Variants in SEC23B observed in about 807,000 individuals in gnomAD.
The protein encoded by SEC23B is SEC23 homolog B, COPII component.
In SEC23B, 77 loss-of-function variants were observed where a neutral mutation model predicts 104.3. The ratio of observed to expected loss-of-function variants is 0.74; its 90% CI spans 0.61 to 0.89. The LOEUF (loss-of-function observed/expected upper bound fraction) is 0.89. SEC23B is among the 40% of genes least tolerant of loss of function. The pLI is 0.00. For missense variants in SEC23B, 885 were observed against 949.4 expected (o/e 0.93, Z 0.89); for synonymous variants, 338 against 332.5 (o/e 1.02, Z -0.18).
In SEC23B at chr20:18,546,903, GTTTTTTTTTTTTTTTT is replaced by G. The variant is rs58809009; in HGVS notation, c.1743+881_1743+896del. On this transcript the variant is annotated intron_variant, in intron 15 of 19. Transcript: ENST00000650089. ...AGTTGGTCTGGTGAAGTGGTTTGCAGTTTTTTTTTTTTTTTTTTTTTTTTTTAAAGCCATGGAATCC... is the reference window on the plus strand; with the variant it reads ...AGTTGGTCTGGTGAAGTGGTTTGCAGTTTTTTTTTTAAAGCCATGGAATCC... Among the ~76,000 whole-genome samples the G allele has an allele frequency of 4.3e-5, 5 of 115,516 alleles. No homozygotes were observed. The Admixed American group carries it at 4.7e-4, about 11-fold the overall frequency. The allele number at this position is 115,516 out of a possible 152,430, so 75.8% of individuals were successfully genotyped here.
intron 15 of SEC23B, among the ~76,000 whole-genome samples, chr20:18,546,428 G>T (rs2060332526): frequency 6.6e-6 from 1 of 152,196 alleles, no homozygotes; most frequent in African/African-American, 2.4e-5. Flanking sequence ...TTAATAATAT[G>T]TCTGTGGTTA....
At chr20:18,518,257 C>T (rs1195089378) in intron 4 of SEC23B, among the ~76,000 whole-genome samples, 1 of 152,138 alleles carries the variant, frequency 6.6e-6, no homozygotes, top group African/African-American at 2.4e-5. Context: ...GTGGGAAAGG[C>T]CTCTACCCAT....
Position 18,515,729 on chromosome 20 carries a change from T to C in SEC23B, c.359T>C (p.Val120Ala), listed in dbSNP as rs1463490876. 3.2e-6 allele frequency: 5 copies of C among 1,582,226 alleles called. No homozygotes were observed. The highest frequency in any genetic ancestry group is 4.3e-6 in the Non-Finnish European group (5 of 1,150,934). The change falls in exon 4 of 20, where the codon GTG (valine) becomes GCG (alanine). Residue 120 changes from valine (V) to alanine (A), a missense_variant. Coordinates refer to ENST00000650089, the MANE Select transcript of SEC23B (RefSeq NM_006363.6). The part of the protein sequence containing the change: ...LMPQFSTIEY[V>A]IQRGAQSPLI... ...CCCCAGTTTTCTACAATTGAGTACG[T>C]GATACAGGTAATTTCTTTGTTGTGC... is the stretch of plus-strand genomic sequence containing the variant.
At chr20:18,525,649 A>G (rs1395073072) in intron 6 of SEC23B, 139 bp from the exon 7 acceptor site, 2 of 846,384 alleles carry the variant, frequency 2.4e-6, no homozygotes, top group Non-Finnish European at 3.9e-6. Context: ...TAGTAGAGAG[A>G]TAGCTTTGAA....
At chr20:18,518,376 T>G (rs1003608170) in intron 4 of SEC23B, among the ~76,000 whole-genome samples, 1 of 152,042 alleles carries the variant, frequency 6.6e-6, no homozygotes, top group Non-Finnish European at 1.5e-5. Context: ...CTGAGCTTGA[T>G]GTGTAAGGAA....
chr20:18,524,819 A>G, intron 5 of SEC23B, 116 bp from the exon 6 acceptor site: 2 of 1,250,744 alleles, frequency 1.6e-6, no homozygotes, highest in Non-Finnish European at 2.3e-6. Context: ...CAGCCTCATG[A>G]GTAGGTGGGA....
At position 18,530,739 on chromosome 20, in the gene SEC23B, G is replaced by C. The variant is rs751193663; in HGVS notation, c.1169G>C (p.Arg390Thr). 1 of 1,613,134 alleles carries C rather than the reference G, an allele frequency of 6.2e-7. No homozygotes were observed. Among genetic ancestry groups the C allele is most frequent in the Non-Finnish European group, 8.5e-7 (1 of 1,179,322 alleles). Residue 390 changes from arginine to threonine, a missense_variant, in exon 10 of 20, where the codon AGA (arginine) becomes ACA (threonine). Coordinates refer to ENST00000650089, the MANE Select transcript of SEC23B (RefSeq NM_006363.6). ...NTSLFKQTFQ[R>T]IFTKDFNGDF... ...TCTCTCTTCAAGCAGACATTCCAAA[G>C]AATCTTTACTAAAGATTTTAATGGA...
chr20:18,537,491 C>G (rs1430964687), intron 12 of SEC23B, among the ~76,000 whole-genome samples: 1 of 149,992 alleles, frequency 6.7e-6, no homozygotes, highest in African/African-American at 2.5e-5. Flanking sequence ...ATCGCAAGGA[C>G]AAAAAAACAC....
At chr20:18,520,954 A>C (rs956276586) in intron 4 of SEC23B, among the ~76,000 whole-genome samples, 6 of 152,102 alleles carry the variant, frequency 3.9e-5, no homozygotes, top group African/African-American at 1.4e-4. Context: ...TGAGTTGAAC[A>C]GTCCGATTTT....
At chr20:18,527,396 G>T in intron 8 of SEC23B, 100 bp from the exon 9 acceptor site, 2 of 803,298 alleles carry the variant, frequency 2.5e-6, no homozygotes, top group East Asian at 2.4e-5. Context: ...AAAAGAAAAT[G>T]ATTTACATGT....
At chr20:18,530,569 T>G in intron 9 of SEC23B, 111 bp from the exon 10 acceptor site, 1 of 1,270,694 alleles carries the variant, frequency 7.9e-7, no homozygotes, top group Non-Finnish European at 1.1e-6. Flanking sequence ...AGTGGCTCTT[T>G]TGGGGACCTG....
intron 19 of SEC23B, among the ~76,000 whole-genome samples, chr20:18,556,780 G>A (rs1352122792): frequency 1.3e-5 from 2 of 152,116 alleles, no homozygotes; most frequent in African/African-American, 4.8e-5. Flanking sequence ...GGCAGAACAC[G>A]AGGTCAGGAG....
intron 3 of SEC23B, among the ~76,000 whole-genome samples, chr20:18,512,818 G>A (rs2059993149): frequency 6.6e-6 from 1 of 152,270 alleles, no homozygotes. Context: ...TTGGGAGGCC[G>A]AGGTGGGTGG....
chr20:18,555,131 G>A lies in SEC23B; in HGVS notation c.2172G>A (p.Val724=), dbSNP rs2060424555. 1 of 1,613,894 alleles carries A rather than the reference G, an allele frequency of 6.2e-7. No individual in the cohort carries two copies. The highest frequency in any genetic ancestry group is 1.1e-5 in the South Asian group (1 of 91,046). The change falls in exon 19 of 20, where the codon GTG becomes GTA. Residue 724 remains valine, a synonymous_variant. Coordinates refer to ENST00000650089, the MANE Select transcript of SEC23B (RefSeq NM_006363.6). ...GSQARFLLSK[V]NPSQTHNNLY... ...AGGCTCGATTCCTTTTGTCCAAAGT[G>A]AACCCATCTCAGACACACAATAACC... is the stretch of plus-strand genomic sequence containing the variant.
At chr20:18,557,518 C>G (rs2060450828) in intron 19 of SEC23B, among the ~76,000 whole-genome samples, 1 of 152,146 alleles carries the variant, frequency 6.6e-6, no homozygotes, top group Non-Finnish European at 1.5e-5. Context: ...GACCTTACCT[C>G]CCTTTTCAAC....
At chr20:18,523,906 G>A (rs144922197) in intron 4 of SEC23B, among the ~76,000 whole-genome samples, 62 of 151,882 alleles carry the variant, frequency 4.1e-4, no homozygotes, top group African/African-American at 1.3e-3. Flanking sequence ...TGTTAGAGAC[G>A]GGGTCTCGCC....
At chr20:18,543,198 T>G (rs763676936) in intron 14 of SEC23B, 26 bp downstream of exon 14, 1 of 1,613,964 alleles carries the variant, frequency 6.2e-7, no homozygotes, top group East Asian at 2.2e-5. Flanking sequence ...TGGCATTAGG[T>G]TCAGTCTTGG....
At position 18,530,038 on chromosome 20, in the gene SEC23B, A is replaced by G. The variant is rs1241815599; in HGVS notation, c.1110-642A>G. On this transcript the variant is annotated intron_variant, in intron 9 of 19. Transcript: ENST00000650089. ...ATGAGTTGGAAAACATAATTCTTGT[A>G]AAGTCAAGAATTCAGTATTTTGAGG... Among the ~76,000 whole-genome samples the G allele has an allele frequency of 2.6e-5, 4 of 152,158 alleles. No individual in the cohort carries two copies. The East Asian group carries it at 7.7e-4, about 29-fold the overall frequency.
chr20:18,524,456 C>T lies in SEC23B; in HGVS notation c.390C>T (p.Ile130=). The change falls in exon 5 of 20, where the codon ATC becomes ATT. Residue 130 remains isoleucine (I), a synonymous_variant. Coordinates refer to ENST00000650089, the MANE Select transcript of SEC23B (RefSeq NM_006363.6). ...VIQRGAQSPL[I]FLYVVDTCLE... The stretch of plus-strand genomic sequence containing the variant: ...AGCGAGGTGCTCAGTCCCCTCTGAT[C>T]TTTCTCTATGTGGTTGACACATGCC... 1.9e-6 allele frequency: 3 copies of T among 1,614,150 alleles called. No homozygotes were observed. Among genetic ancestry groups the T allele is most frequent in the Non-Finnish European group, 2.5e-6 (3 of 1,179,976 alleles).
Sources: allele counts gnomAD v4.1 joint callset (sites outside exome capture counted in the v4.1 genomes callset), GRCh38; gene constraint gnomAD v4.1.1; transcripts MANE v1.5; gene names NCBI Gene and HGNC (gene_info 2026-07-23, HGNC 2026-07-21).